The following ZFHX3 variants were observed in gnomAD, a reference collection of about 807,000 sequenced individuals.
ZFHX3 encodes the protein zinc finger homeobox 3, also known as zinc finger homeobox protein 3.
A neutral mutation model predicts 279.1 loss-of-function variants in ZFHX3; 42 were observed. The observed-to-expected ratio is 0.15, with a 90% CI of 0.12 to 0.19. The LOEUF (loss-of-function observed/expected upper bound fraction) is 0.19. ZFHX3 is among the 10% of genes least tolerant of loss of function. The probability of loss-of-function intolerance (pLI) is 1.00; values close to 1 mark genes in which losing one functional copy is unlikely to be tolerated. For missense variants in ZFHX3, 4,981 were observed against 4,754.0 expected (o/e 1.05, Z -1.40); for synonymous variants, 2,293 against 1,957.8 (o/e 1.17, Z -4.52).
chr16:73,358,760 T>C (rs188523146), intron 3 of ZFHX3, among the ~76,000 whole-genome samples: 147 of 152,354 alleles, frequency 9.6e-4, no homozygotes, highest in Admixed American at 1.8e-3. Flanking sequence ...GGAGGCACAA[T>C]GGCCTAGTGG....
At chr16:72,879,430 CTTTT>C in intron 4 of ZFHX3, among the ~76,000 whole-genome samples, 1 of 152,086 alleles carries the variant, frequency 6.6e-6, no homozygotes. Context: ...GTTTCTATTT[CTTTT>C]TTTTCTTTTG....
At chr16:73,409,034 A>C (rs905904656) in intron 3 of ZFHX3, among the ~76,000 whole-genome samples, 2 of 152,154 alleles carry the variant, frequency 1.3e-5, no homozygotes, top group African/African-American at 4.8e-5. Flanking sequence ...TCTGCATTCA[A>C]TCCAGGGATT....
At chr16:73,373,201 G>A (rs1292459423) in intron 3 of ZFHX3, among the ~76,000 whole-genome samples, 2 of 152,002 alleles carry the variant, frequency 1.3e-5, no homozygotes, top group African/African-American at 4.8e-5. Flanking sequence ...AGAAATTGTC[G>A]ACTGCTTTTC....
chr16:72,797,458 C>CTTCTTG lies in ZFHX3; in HGVS notation c.5223_5224insCAAGAA (p.Gln1741_Ala1742insGlnGlu). 6.2e-7 allele frequency: 1 copy of CTTCTTG among 1,605,948 alleles called. No homozygotes were observed. Among genetic ancestry groups the CTTCTTG allele is most frequent in the Non-Finnish European group, 8.5e-7 (1 of 1,174,096 alleles). On this transcript the variant is annotated inframe_insertion, in exon 9 of 10. Transcript: ENST00000268489. ...GCCTGGGCCTGGGCCAGCGTTTGTG[C>CTTCTTG]TTGTTGTTGTTGTTGTTGTTGTTGT...
chr16:73,433,324 T>C (rs1002173479), intron 3 of ZFHX3, among the ~76,000 whole-genome samples: 1 of 152,186 alleles, frequency 6.6e-6, no homozygotes, highest in Admixed American at 6.5e-5. Context: ...AGTCACTTGC[T>C]TGAGGGCTGC....
chr16:73,252,120 G>A (rs921780333), intron 5 of ZFHX3, among the ~76,000 whole-genome samples: 2 of 152,210 alleles, frequency 1.3e-5, no homozygotes, highest in African/African-American at 4.8e-5. Flanking sequence ...CAGTTTAGCT[G>A]GGAAGAGATT....
chr16:73,077,497 T>G (rs1421275782), intron 8 of ZFHX3, among the ~76,000 whole-genome samples: 19 of 152,086 alleles, frequency 1.2e-4, no homozygotes, highest in Admixed American at 1.2e-3. Flanking sequence ...TCCCGTGATT[T>G]TAGCCAATAA....
rs531899279 is a variant in ZFHX3 at position 73,819,337 on chromosome 16, T to C, written c.-1608+72314A>G. On this transcript the variant is annotated intron_variant, in intron 1 of 17. Transcript: ENST00000641206. ...TCATCTCTAGTTTCTGCCTACTAGATGCTGGTAGCAATCACCACCACCCCA... is the reference window on the plus strand; with the variant it reads ...TCATCTCTAGTTTCTGCCTACTAGACGCTGGTAGCAATCACCACCACCCCA... 3.3e-5 allele frequency among the ~76,000 whole-genome samples: 5 copies of C among 150,664 alleles called. No individual in the cohort carries two copies. The South Asian group carries it at 1.1e-3, about 32-fold the overall frequency.
At chr16:73,431,894 C>A (rs1194206343) in intron 3 of ZFHX3, among the ~76,000 whole-genome samples, 1 of 152,096 alleles carries the variant, frequency 6.6e-6, no homozygotes, top group Non-Finnish European at 1.5e-5. Flanking sequence ...TCTGGAGAAG[C>A]AACTAGACCT....
intron 7 of ZFHX3, chr16:73,127,541 G>A (rs747486306): frequency 1.5e-6 from 2 of 1,305,536 alleles, no homozygotes; most frequent in South Asian, 2.5e-5. Context: ...AGAGATGGGA[G>A]GCTTTGGGCT....
intron 2 of ZFHX3, among the ~76,000 whole-genome samples, chr16:73,576,993 C>G (rs1204455787): frequency 6.6e-6 from 1 of 152,060 alleles, no homozygotes; most frequent in Admixed American, 6.5e-5. Flanking sequence ...AATAAATTTG[C>G]TTTGGTTTGC....
intron 3 of ZFHX3, among the ~76,000 whole-genome samples, chr16:73,439,782 T>C (rs949643233): frequency 1.3e-5 from 2 of 151,836 alleles, no homozygotes; most frequent in Admixed American, 1.3e-4. Flanking sequence ...CCTTGGAGTT[T>C]GAGGGGCTCA....
chr16:72,921,559 A>G (rs1329556080), intron 3 of ZFHX3, among the ~76,000 whole-genome samples: 2 of 152,224 alleles, frequency 1.3e-5, no homozygotes, highest in African/African-American at 4.8e-5. Flanking sequence ...CTTTGGGGCT[A>G]TTCTTATTCT....
rs547773201 is a variant in ZFHX3, at chr16:73,142,741, TTCATTGAATGATTA to T, written c.-1024+997_-1024+1010del. 1.3e-3 allele frequency among the ~76,000 whole-genome samples: 202 copies of T among 152,374 alleles called. 2 individuals carry two copies. The highest frequency in any genetic ancestry group is 4.7e-3 in the African/African-American group (195 of 41,584). On this transcript the variant is annotated intron_variant, in intron 6 of 17. Coordinates refer to the ZFHX3 transcript ENST00000641206. ...AAAATGATAAAGTTAACAGCTACTA[TTCATTGAATGATTA>T]TAGGCACAAGACTAAGCATTTTATA...
intron 5 of ZFHX3, among the ~76,000 whole-genome samples, chr16:73,239,552 C>A (rs1167986198): frequency 1.3e-5 from 2 of 152,268 alleles, no homozygotes; most frequent in Middle Eastern, 3.4e-3. Flanking sequence ...CACCCTAAGC[C>A]CAGTCATTCC....
intron 1 of ZFHX3, among the ~76,000 whole-genome samples, chr16:73,699,268 C>G (rs1478206688): frequency 2.0e-5 from 3 of 152,102 alleles, no homozygotes; most frequent in African/African-American, 7.2e-5. Context: ...TAAGGAAACT[C>G]TCTCTGCTAC....
At position 73,454,433 on chromosome 16, in the gene ZFHX3, A is replaced by G. The variant is rs569831929; in HGVS notation, c.-1291+1570T>C. Among the ~76,000 whole-genome samples, 4 of 152,270 alleles carry G rather than the reference A, an allele frequency of 2.6e-5. No individual in the cohort carries two copies. The East Asian group carries it at 7.7e-4, about 29-fold the overall frequency. On this transcript the variant is annotated intron_variant, in intron 3 of 17. Coordinates refer to the ZFHX3 transcript ENST00000641206. ...CCAAAGGAATAAATATCTCAAGAGG[A>G]GTTCATTCGTGTTCTTTGAATTCCC...
intron 5 of ZFHX3, among the ~76,000 whole-genome samples, chr16:73,193,630 A>G (rs1968087493): frequency 6.6e-6 from 1 of 152,116 alleles, no homozygotes; most frequent in South Asian, 2.1e-4. Flanking sequence ...GTTTGTTTTG[A>G]AAGGGGACAA....
intron 5 of ZFHX3, chr16:73,232,336 G>C (rs2012802900): frequency 6.6e-6 from 1 of 152,184 alleles, no homozygotes; most frequent in Non-Finnish European, 1.5e-5. Context: ...AGTGAGTCGT[G>C]TGTCTTTGGT....
Sources: allele counts gnomAD v4.1 joint callset (sites outside exome capture counted in the v4.1 genomes callset), GRCh38; gene constraint gnomAD v4.1.1; transcripts MANE v1.5; gene names NCBI Gene and HGNC (gene_info 2026-07-23, HGNC 2026-07-21).